The following NRXN1 variants were observed in gnomAD, a reference collection of about 807,000 sequenced individuals.
The protein encoded by NRXN1 is neurexin-1.
NRXN1 carries 39 observed loss-of-function variants against 150.9 expected under a neutral mutation model. The ratio of observed to expected loss-of-function variants is 0.26; its 90% CI spans 0.20 to 0.34. The LOEUF is 0.34. Ranked by LOEUF, NRXN1 falls within the 10% of genes least tolerant of loss-of-function variation. The pLI is 1.00. For synonymous variants in NRXN1, 924 were observed against 757.0 expected (o/e 1.22, Z -3.62); for missense variants, 1,815 against 1,949.9 (o/e 0.93, Z 1.30).
At chr2:50,733,256 T>C (rs1698317313) in intron 5 of NRXN1, among the ~76,000 whole-genome samples, 1 of 152,090 alleles carries the variant, frequency 6.6e-6, no homozygotes, top group Non-Finnish European at 1.5e-5. Context: ...TATAGAAAAA[T>C]TAAATTTAAT....
intron 17 of NRXN1, among the ~76,000 whole-genome samples, chr2:50,407,648 T>C (rs1520445): frequency 0.29 from 43,827 of 151,598 alleles, 7,788 homozygotes; most frequent in African/African-American, 0.49. Flanking sequence ...GGGTGGTAGC[T>C]GTATAAAAAG....
chr2:50,919,569 G>A (rs1276922980), intron 5 of NRXN1: 1 of 151,526 alleles, frequency 6.6e-6, no homozygotes, highest in Non-Finnish European at 1.5e-5. Flanking sequence ...ACTCACACAA[G>A]AGAAAAGTGG....
At chr2:50,182,007 T>C (rs921967689) in intron 18 of NRXN1, among the ~76,000 whole-genome samples, 1 of 151,720 alleles carries the variant, frequency 6.6e-6, no homozygotes, top group South Asian at 2.1e-4. Flanking sequence ...GGTTTCCATA[T>C]CTTTTTTGGT....
At chr2:50,119,643 A>C (rs1210723980) in intron 18 of NRXN1, among the ~76,000 whole-genome samples, 1 of 152,138 alleles carries the variant, frequency 6.6e-6, no homozygotes, top group Non-Finnish European at 1.5e-5. Context: ...TATACTAAAA[A>C]AGTGTAATCC....
chr2:50,563,366 T>C (rs1330467118), intron 8 of NRXN1, among the ~76,000 whole-genome samples: 1 of 152,242 alleles, frequency 6.6e-6, no homozygotes, highest in Non-Finnish European at 1.5e-5. Flanking sequence ...GGAGGATAGA[T>C]ATACAACTAT....
chr2:50,692,882 C>A (rs1440888533), intron 5 of NRXN1, among the ~76,000 whole-genome samples: 1 of 152,100 alleles, frequency 6.6e-6, no homozygotes, highest in Non-Finnish European at 1.5e-5. Context: ...ACTATTGGTC[C>A]TGCATCCCAA....
At chr2:50,916,184 A>G (rs1574921096) in intron 5 of NRXN1, among the ~76,000 whole-genome samples, 1 of 150,896 alleles carries the variant, frequency 6.6e-6, no homozygotes, top group South Asian at 2.1e-4. Context: ...AAGGTTGGCT[A>G]TTCTATATTA....
intron 5 of NRXN1, among the ~76,000 whole-genome samples, chr2:50,907,048 C>G (rs1683797206): frequency 6.6e-6 from 1 of 151,946 alleles, no homozygotes; most frequent in East Asian, 1.9e-4. Context: ...TGTCTAGAAA[C>G]TAAAAGTCTT....
At chr2:50,955,592 G>C (rs1378005518) in intron 2 of NRXN1, among the ~76,000 whole-genome samples, 1 of 152,194 alleles carries the variant, frequency 6.6e-6, no homozygotes, top group Non-Finnish European at 1.5e-5. Flanking sequence ...GTCAACAGCA[G>C]AACAGTGCCA....
intron 5 of NRXN1, among the ~76,000 whole-genome samples, chr2:50,882,639 A>C (rs1005560835): frequency 1.3e-5 from 2 of 151,868 alleles, no homozygotes; most frequent in Non-Finnish European, 2.9e-5. Flanking sequence ...ACAGGTGCCC[A>C]CAGTATTTTT....
chr2:50,438,165 G>A (rs2085615330), intron 17 of NRXN1, among the ~76,000 whole-genome samples: 1 of 152,156 alleles, frequency 6.6e-6, no homozygotes, highest in African/African-American at 2.4e-5. Flanking sequence ...ACTGAGTATA[G>A]CACAGCCTTC....
At chr2:50,678,101 T>G (rs183216839) in intron 5 of NRXN1, among the ~76,000 whole-genome samples, 1 of 152,252 alleles carries the variant, frequency 6.6e-6, no homozygotes, top group East Asian at 1.9e-4. Flanking sequence ...CAATAGTTAG[T>G]GACATTTATT....
chr2:50,291,336 G>T (rs2072901907), intron 17 of NRXN1, among the ~76,000 whole-genome samples: 1 of 152,084 alleles, frequency 6.6e-6, no homozygotes, highest in African/African-American at 2.4e-5. Flanking sequence ...AACGAGTTAA[G>T]AGTTTAAGCT....
intron 5 of NRXN1, among the ~76,000 whole-genome samples, chr2:50,683,524 C>T (rs546910663): frequency 7.5e-5 from 11 of 146,354 alleles, no homozygotes; most frequent in Admixed American, 4.2e-4. Context: ...CCTAGCTACT[C>T]AGGAGGCTGA....
intron 21 of NRXN1, among the ~76,000 whole-genome samples, chr2:50,026,628 C>T (rs957868151): frequency 6.6e-6 from 1 of 151,962 alleles, no homozygotes; most frequent in Non-Finnish European, 1.5e-5. Flanking sequence ...TCCTGAAAAC[C>T]ATTAAAATTG....
intron 17 of NRXN1, among the ~76,000 whole-genome samples, chr2:50,456,916 T>A (rs936083016): frequency 6.6e-6 from 1 of 152,116 alleles, no homozygotes; most frequent in South Asian, 2.1e-4. Flanking sequence ...TAATAAATCA[T>A]TTGGTGCACA....
chr2:50,214,398 C>T (rs12471132), intron 18 of NRXN1, among the ~76,000 whole-genome samples: 29,014 of 151,800 alleles, frequency 0.19, 3,094 homozygotes, highest in Middle Eastern at 0.27. Flanking sequence ...TTTTCGGTTC[C>T]TTCTAATCCA....
At chr2:50,314,574 T>G (rs979576034) in intron 17 of NRXN1, among the ~76,000 whole-genome samples, 1 of 151,800 alleles carries the variant, frequency 6.6e-6, no homozygotes, top group African/African-American at 2.4e-5. Context: ...TTTCTGAGTT[T>G]ATTTTTTAAA....
chr2:50,426,257 T>C (rs11125303), intron 17 of NRXN1, among the ~76,000 whole-genome samples: 81,406 of 152,036 alleles, frequency 0.54, 24,770 homozygotes, highest in East Asian at 0.92. Context: ...ATGCCACCAA[T>C]TGTGTTTCTT....
Sources: allele counts gnomAD v4.1 joint callset (sites outside exome capture counted in the v4.1 genomes callset), GRCh38; gene constraint gnomAD v4.1.1; transcripts MANE v1.5; gene names NCBI Gene and HGNC (gene_info 2026-07-23, HGNC 2026-07-21).